Variants in GRAMD2B observed in about 807,000 individuals in gnomAD.
GRAMD2B encodes GRAM domain containing 2B, also known as GRAM domain-containing protein 2B.
In GRAMD2B, 41 loss-of-function variants were observed where a neutral mutation model predicts 59.2. The observed-to-expected ratio is 0.69, with a 90% CI of 0.54 to 0.90. The LOEUF is 0.90. GRAMD2B is among the 40% of genes least tolerant of loss of function. The pLI is 0.00. For synonymous variants in GRAMD2B, 161 were observed against 182.7 expected (o/e 0.88, Z 0.96); for missense variants, 424 against 500.5 (o/e 0.85, Z 1.46).
intron 1 of GRAMD2B, among the ~76,000 whole-genome samples, chr5:126,398,408 A>G (rs11740466): frequency 0.38 from 58,328 of 151,890 alleles, 13,331 homozygotes; most frequent in Non-Finnish European, 0.51. Flanking sequence ...GTTTTTTGGC[A>G]TATGATCATT....
intron 1 of GRAMD2B, chr5:126,465,196 A>G (rs1768078406): frequency 5.8e-6 from 8 of 1,381,976 alleles, no homozygotes; most frequent in Non-Finnish European, 7.5e-6. Flanking sequence ...AAGTCCACAC[A>G]GTCTGGCATT....
At chr5:126,481,191 TAAAAA>T (rs1181378327) in intron 8 of GRAMD2B, among the ~76,000 whole-genome samples, 3 of 42,582 alleles carry the variant, frequency 7.0e-5, no homozygotes, top group Admixed American at 5.1e-4. Flanking sequence ...GAATTAACTG[TAAAAA>T]AAAAAAAAAA....
At chr5:126,458,225 A>G (rs1175255891) in intron 1 of GRAMD2B, among the ~76,000 whole-genome samples, 1 of 152,148 alleles carries the variant, frequency 6.6e-6, no homozygotes, top group Non-Finnish European at 1.5e-5. Flanking sequence ...ACTTGAGGTC[A>G]GGAGTTCAAG....
At chr5:126,447,604 C>A (rs574485248) in intron 1 of GRAMD2B, among the ~76,000 whole-genome samples, 1 of 149,132 alleles carries the variant, frequency 6.7e-6, no homozygotes, top group South Asian at 2.1e-4. Flanking sequence ...GCGGAGCTTG[C>A]AGTGAGCCGA....
At chr5:126,464,966 G>A in intron 1 of GRAMD2B, 2 of 714,724 alleles carry the variant, frequency 2.8e-6, no homozygotes, top group Non-Finnish European at 3.4e-6. Context: ...AATTGCTTAG[G>A]GAACTGCTTG....
chr5:126,383,235 A>G (rs769774338), intron 1 of GRAMD2B, among the ~76,000 whole-genome samples: 5 of 152,244 alleles, frequency 3.3e-5, no homozygotes, highest in African/African-American at 4.8e-5. Flanking sequence ...AAAAAATTCA[A>G]TCAGGTTCAT....
chr5:126,375,456 C>T (rs1336541799), intron 1 of GRAMD2B, among the ~76,000 whole-genome samples: 1 of 151,886 alleles, frequency 6.6e-6, no homozygotes, highest in Non-Finnish European at 1.5e-5. Flanking sequence ...GCAAGCTCTG[C>T]CTTCCTGGGT....
chr5:126,442,224 C>T (rs1390121279), intron 1 of GRAMD2B, among the ~76,000 whole-genome samples: 2 of 151,828 alleles, frequency 1.3e-5, no homozygotes, highest in African/African-American at 2.4e-5. Context: ...TGAATATTTA[C>T]ATCAGTCATA....
intron 6 of GRAMD2B, among the ~76,000 whole-genome samples, 166 bp downstream of exon 6, chr5:126,477,953 G>C (rs1770946036): frequency 6.6e-6 from 1 of 152,100 alleles, no homozygotes; most frequent in Non-Finnish European, 1.5e-5. Flanking sequence ...ATAGCCTGTA[G>C]ACATTCATGT....
At chr5:126,374,485 G>C (rs958095127) in intron 1 of GRAMD2B, among the ~76,000 whole-genome samples, 2 of 152,212 alleles carry the variant, frequency 1.3e-5, no homozygotes, top group South Asian at 2.1e-4. Context: ...TGTGTTGCAA[G>C]TATTTTATTC....
chr5:126,458,611 C>T (rs1474370136), intron 1 of GRAMD2B, among the ~76,000 whole-genome samples: 2 of 152,096 alleles, frequency 1.3e-5, no homozygotes, highest in Non-Finnish European at 2.9e-5. Flanking sequence ...CTAGCTACCA[C>T]GGTTGTATAT....
intron 1 of GRAMD2B, among the ~76,000 whole-genome samples, chr5:126,409,634 A>G (rs1487063726): frequency 3.3e-5 from 5 of 151,902 alleles, no homozygotes; most frequent in South Asian, 2.1e-4. Flanking sequence ...CCCATTTTGT[A>G]GGTTGCCTGT....
At chr5:126,381,756 GT>G (rs996609613) in intron 1 of GRAMD2B, among the ~76,000 whole-genome samples, 4 of 151,586 alleles carry the variant, frequency 2.6e-5, no homozygotes, top group Admixed American at 1.3e-4. Context: ...ATACCTTGGG[GT>G]TTTTTTTCAT....
chr5:126,410,287 C>G (rs1048051043), intron 1 of GRAMD2B, among the ~76,000 whole-genome samples: 1 of 151,588 alleles, frequency 6.6e-6, no homozygotes, highest in African/African-American at 2.4e-5. Context: ...GGCAGTATGG[C>G]CATTTTCACG....
chr5:126,410,273 C>G (rs1317148994), intron 1 of GRAMD2B, among the ~76,000 whole-genome samples: 3 of 151,782 alleles, frequency 2.0e-5, no homozygotes, highest in East Asian at 3.9e-4. Context: ...TATAAATTAC[C>G]TTGGGCAGTA....
chr5:126,436,827 T>C (rs1431762356), intron 1 of GRAMD2B, among the ~76,000 whole-genome samples: 1 of 152,114 alleles, frequency 6.6e-6, no homozygotes, highest in Non-Finnish European at 1.5e-5. Flanking sequence ...TGATGATATC[T>C]GAGAGAAATT....
In GRAMD2B at chr5:126,412,314, A is replaced by G. The variant is rs147902067; in HGVS notation, c.125+40747A>G. ...GCCTAGTTTCTTAAGAGTTTTTATCATGAAAGAATGTTGGATTTTATCAAA... is the reference window on the plus strand; with the variant it reads ...GCCTAGTTTCTTAAGAGTTTTTATCGTGAAAGAATGTTGGATTTTATCAAA... On this transcript the variant is annotated intron_variant, in intron 1 of 8. Coordinates refer to the GRAMD2B transcript ENST00000506445. Among the ~76,000 whole-genome samples, 118 of 152,246 alleles carry G rather than the reference A, an allele frequency of 7.8e-4. No homozygotes were observed. The East Asian group carries it at 0.022, about 28-fold the overall frequency.
chr5:126,391,509 A>G (rs1756782713), intron 1 of GRAMD2B, among the ~76,000 whole-genome samples: 1 of 152,136 alleles, frequency 6.6e-6, no homozygotes, highest in Non-Finnish European at 1.5e-5. Context: ...CAGCAGTATT[A>G]TTTATAATAG....
intron 2 of GRAMD2B, among the ~76,000 whole-genome samples, chr5:126,465,909 C>G (rs1768269730): frequency 6.6e-6 from 1 of 152,046 alleles, no homozygotes. Flanking sequence ...TGAAAAAAAG[C>G]CGAGGAAAAG....
Sources: allele counts gnomAD v4.1 joint callset (sites outside exome capture counted in the v4.1 genomes callset), GRCh38; gene constraint gnomAD v4.1.1; transcripts MANE v1.5; gene names NCBI Gene and HGNC (gene_info 2026-07-23, HGNC 2026-07-21).